CFAP46: variants seen among roughly 807,000 people sequenced by gnomAD.
CFAP46 encodes cilia and flagella associated protein 46, also known as cilia- and flagella-associated protein 46.
Under a neutral mutation model 325.7 loss-of-function variants are expected in CFAP46, and 245 were observed. The observed-to-expected ratio is 0.75, with a 90% CI of 0.68 to 0.84. CFAP46 has a LOEUF of 0.84. Ranked by LOEUF, CFAP46 falls within the 40% of genes least tolerant of loss-of-function variation. The pLI, the probability that CFAP46 is intolerant of heterozygous loss-of-function variation, is 0.00. For synonymous variants in CFAP46, 1,523 were observed against 1,495.9 expected (o/e 1.02, Z -0.42); for missense variants, 3,346 against 3,543.0 (o/e 0.94, Z 1.41).
chr10:132,858,096 T>C (rs1057123785), intron 38 of CFAP46, among the ~76,000 whole-genome samples: 1 of 152,228 alleles, frequency 6.6e-6, no homozygotes, highest in Non-Finnish European at 1.5e-5. Context: ...GCAAGGACAA[T>C]GTACGACATC....
intron 9 of CFAP46, among the ~76,000 whole-genome samples, chr10:132,927,428 G>A (rs1849829077): frequency 6.6e-6 from 1 of 152,108 alleles, no homozygotes; most frequent in South Asian, 2.1e-4. Context: ...CAGGTCCTCG[G>A]CGGCAGACGT....
rs935189174 is a variant in CFAP46 at position 132,808,621 on chromosome 10, C to T, written c.7948G>A (p.Asp2650Asn). The T allele has an allele frequency of 6.8e-6, 11 of 1,610,498 alleles. No homozygotes were observed. The highest frequency in any genetic ancestry group is 1.3e-5 in the African/African-American group (1 of 74,842). The change falls in exon 58 of 58, where the codon GAC (aspartate) becomes AAC (asparagine). Residue 2650 changes from aspartate (D) to asparagine (N), a missense_variant. Asp to Asn is a conservative substitution (Grantham distance 23). Coordinates refer to ENST00000368586, the MANE Select transcript of CFAP46 (RefSeq NM_001200049.3). This position sits in a 1 kb window ranked among gnomAD's most constrained non-coding sequence, Gnocchi z 6.8. ...TTGCGGGAAGTCGCTGGGGGAGGGT[C>T]CCTGGCTGAGGCTGCACCAAGGGCT... is the stretch of plus-strand genomic sequence containing the variant. The part of the protein sequence containing the change: ...SPALGAASAR[D>N]PPPATSRKAA...
At chr10:132,810,576 C>T in intron 56 of CFAP46, 87 bp from the exon 57 acceptor site, 1 of 1,185,336 alleles carries the variant, frequency 8.4e-7, no homozygotes, top group Non-Finnish European at 1.3e-6. Flanking sequence ...ATGCCAGGGG[C>T]CCACGCACTT....
chr10:132,910,286 G>A (rs1397639637), intron 19 of CFAP46, among the ~76,000 whole-genome samples: 1 of 152,214 alleles, frequency 6.6e-6, no homozygotes, highest in Non-Finnish European at 1.5e-5. Flanking sequence ...CTGGCCTCCA[G>A]TGCGCCCCGG....
chr10:132,919,241 G>A lies in CFAP46; in HGVS notation c.1858+74C>T, dbSNP rs966874746. 28 of 1,454,904 alleles carry A rather than the reference G, an allele frequency of 1.9e-5. No individual in the cohort carries two copies. The highest frequency in any genetic ancestry group is 4.3e-5 in the African/African-American group (3 of 70,224). 90.1% of individuals were successfully genotyped at this position (1,454,904 alleles called of 1,614,324 possible). The stretch of plus-strand genomic sequence containing the variant: ...AAGGCCCCATGGGTTGTCATTGCAC[G>A]AACCACAACCCTTCCCACACCCAGA... On this transcript the variant is annotated intron_variant, in intron 15 of 57. Transcript: ENST00000368586. The surrounding 1 kb of genome is among the most constrained non-coding windows in gnomAD (Gnocchi z 9.7).
At chr10:132,829,810 C>A (rs531815061) in intron 50 of CFAP46, among the ~76,000 whole-genome samples, 1 of 152,170 alleles carries the variant, frequency 6.6e-6, no homozygotes, top group African/African-American at 2.4e-5. Context: ...CTTATGAATG[C>A]GGTGAATTAC....
Position 132,929,732 on chromosome 10 carries a change from G to A in CFAP46, c.939C>T (p.Leu313=). ...TGCTTTCCATCTTCTTCAGGTCTGA[G>A]AGGCAGGCAGAGGAGATCTCCATGC... is the stretch of plus-strand genomic sequence containing the variant. ...LKCMEISSAC[L]SDLKKMESKD... The change falls in exon 9 of 58, where the codon CTC becomes CTT. Residue 313 remains leucine, a synonymous_variant. Coordinates refer to ENST00000368586, the MANE Select transcript of CFAP46 (RefSeq NM_001200049.3). The A allele has an allele frequency of 6.2e-7, 1 of 1,613,848 alleles. No homozygotes were observed. The highest frequency in any genetic ancestry group is 8.5e-7 in the Non-Finnish European group (1 of 1,179,922).
At chr10:132,821,626 GTGTGTGC>G (rs1317595599) in intron 50 of CFAP46, among the ~76,000 whole-genome samples, 14 of 143,866 alleles carry the variant, frequency 9.7e-5, no homozygotes, top group South Asian at 2.3e-4. Context: ...TGTGTGCTGT[GTGTGTGC>G]TGTGTGCTGT....
chr10:132,816,896 G>A (rs531359417), intron 50 of CFAP46, among the ~76,000 whole-genome samples: 1 of 152,302 alleles, frequency 6.6e-6, no homozygotes, highest in African/African-American at 2.4e-5. Flanking sequence ...GGCCTCAGAT[G>A]CGGGCCGTCT....
At chr10:132,834,497 C>T (rs1316365002) in intron 48 of CFAP46, among the ~76,000 whole-genome samples, 157 bp downstream of exon 48, 3 of 152,204 alleles carry the variant, frequency 2.0e-5, no homozygotes, top group Admixed American at 2.0e-4. Flanking sequence ...GAGGCAGAAC[C>T]AGAAGAATTG....
At chr10:132,854,194 G>A (rs1211184353) in intron 39 of CFAP46, among the ~76,000 whole-genome samples, 1 of 152,144 alleles carries the variant, frequency 6.6e-6, no homozygotes, top group Non-Finnish European at 1.5e-5. Context: ...TAAACACTTT[G>A]ATAGGTGTTT....
At chr10:132,937,102 G>T in intron 6 of CFAP46, 47 bp from the exon 7 acceptor site, 2 of 1,102,414 alleles carry the variant, frequency 1.8e-6, no homozygotes, top group Non-Finnish European at 2.5e-6. Flanking sequence ...AAACAATTCG[G>T]TAGAGGTTCA....
chr10:132,934,527 C>T (rs1416109991), intron 8 of CFAP46, among the ~76,000 whole-genome samples: 1 of 152,202 alleles, frequency 6.6e-6, no homozygotes, highest in Non-Finnish European at 1.5e-5. Context: ...CATATGCCTA[C>T]AAACTAAACT....
rs1848456274 is a variant in CFAP46 at position 132,847,335 on chromosome 10, T to G, written c.5953-14A>C. Reference sequence around the variant, plus strand: ...CTTGGCGCCCACCTGTGACACACATTGCAGGTTGGCAGACACTTCTGGGTT... The same window carrying G: ...CTTGGCGCCCACCTGTGACACACATGGCAGGTTGGCAGACACTTCTGGGTT... On this transcript the variant is annotated splice_polypyrimidine_tract_variant and intron_variant, in intron 41 of 57. Coordinates refer to ENST00000368586, the MANE Select transcript of CFAP46 (RefSeq NM_001200049.3). This position sits in a 1 kb window ranked among gnomAD's most constrained non-coding sequence, Gnocchi z 5.2. 3.1e-6 allele frequency: 5 copies of G among 1,613,152 alleles called. No homozygotes were observed. The East Asian group carries it at 1.1e-4, about 36-fold the overall frequency.
At chr10:132,831,220 CTGTGTGTGTGTG>C (rs56965336) in intron 50 of CFAP46, among the ~76,000 whole-genome samples, 1 of 148,200 alleles carries the variant, frequency 6.7e-6, no homozygotes, top group Non-Finnish European at 1.5e-5. Flanking sequence ...GTCAAATGTT[CTGTGTGTGTGTG>C]TGTGTGTGTG....
At position 132,857,544 on chromosome 10, in the gene CFAP46, C is replaced by T. The variant is rs780889754; in HGVS notation, c.5574+46G>A. 14 of 1,582,612 alleles carry T rather than the reference C, an allele frequency of 8.8e-6. No homozygotes were observed. The South Asian group carries it at 9.1e-5, about 10-fold the overall frequency. On this transcript the variant is annotated intron_variant, in intron 39 of 57. Transcript: ENST00000368586. ...GTAAGTTACAGTGGGGTTTATATCC[C>T]GGTGGGAGTGACCCAGTGTGCACAG... is the stretch of plus-strand genomic sequence containing the variant.
rs189236529 is a variant in CFAP46 at position 132,817,079 on chromosome 10, G to A, written c.7118-2165C>T. On this transcript the variant is annotated intron_variant, in intron 50 of 57. Transcript: ENST00000368586. The surrounding 1 kb of genome is among the most constrained non-coding windows in gnomAD (Gnocchi z 4.4). ...TCTCTTTTTGCTCTTTGTCTGGACC[G>A]TCAGTAATCCAGGCGTGGTAAAATC... Among the ~76,000 whole-genome samples the A allele has an allele frequency of 1.3e-3, 198 of 152,292 alleles. 1 individual carries two copies. Among genetic ancestry groups the A allele is most frequent in the African/African-American group, 4.5e-3 (188 of 41,562 alleles).
At chr10:132,903,188 A>T (rs905436991) in intron 22 of CFAP46, among the ~76,000 whole-genome samples, 1 of 152,154 alleles carries the variant, frequency 6.6e-6, no homozygotes, top group East Asian at 1.9e-4. Context: ...GTTACGCCCC[A>T]ATGTGAGCTG....
chr10:132,843,612 G>T (rs1462133008), intron 44 of CFAP46, among the ~76,000 whole-genome samples: 1 of 89,400 alleles, frequency 1.1e-5, no homozygotes, highest in Non-Finnish European at 2.7e-5. Flanking sequence ...GTGCCATGGG[G>T]CTCTGGTCTC....
Sources: allele counts gnomAD v4.1 joint callset (sites outside exome capture counted in the v4.1 genomes callset), GRCh38; gene constraint gnomAD v4.1.1; non-coding constraint Gnocchi (gnomAD v3.1); transcripts MANE v1.5; gene names NCBI Gene and HGNC (gene_info 2026-07-23, HGNC 2026-07-21).